MED27: variants seen among roughly 807,000 people sequenced by gnomAD.
The protein encoded by MED27 is mediator of RNA polymerase II transcription subunit 27.
MED27 carries 30 observed loss-of-function variants against 38.2 expected under a neutral mutation model. The ratio of observed to expected loss-of-function variants is 0.79; its 90% CI spans 0.59 to 1.07. MED27 has a LOEUF of 1.07. Among genes scored for constraint, MED27 ranks in the 50% least tolerant of loss-of-function variants. The pLI is 0.00. For missense variants in MED27, 289 were observed against 397.5 expected, an observed-to-expected ratio of 0.73 and a Z score of 2.32; for synonymous variants, 122 against 153.5, an observed-to-expected ratio of 0.79 and a Z score of 1.52.
chr9:131,876,200 T>G (rs571167043), intron 6 of MED27, among the ~76,000 whole-genome samples: 51 of 152,304 alleles, frequency 3.3e-4, no homozygotes, highest in African/African-American at 1.2e-3. Context: ...GAAGCAGTTT[T>G]CAGATTTTGA....
At chr9:131,957,389 G>C (rs1831127139) in intron 3 of MED27, among the ~76,000 whole-genome samples, 1 of 151,984 alleles carries the variant, frequency 6.6e-6, no homozygotes, top group African/African-American at 2.4e-5. Flanking sequence ...TGAGTAGCTG[G>C]GACTACAGGT....
intron 1 of MED27, 96 bp downstream of exon 1, chr9:132,079,546 C>T: frequency 8.7e-7 from 1 of 1,151,796 alleles, no homozygotes; most frequent in Non-Finnish European, 1.3e-6. Context: ...TCAAGGGAAA[C>T]GGAGAACAGC....
intron 3 of MED27, among the ~76,000 whole-genome samples, chr9:131,971,246 C>T (rs1382282581): frequency 6.6e-6 from 1 of 152,184 alleles, no homozygotes; most frequent in Non-Finnish European, 1.5e-5. Context: ...GGAAGAAGGA[C>T]ACCTGACACA....
intron 3 of MED27, among the ~76,000 whole-genome samples, chr9:131,966,221 C>CAAAACCA (rs1554761527): frequency 6.1e-5 from 6 of 97,808 alleles, no homozygotes; most frequent in African/African-American, 1.9e-4. Flanking sequence ...AAAAACAAAA[C>CAAAACCA]AAAACCAAAA....
chr9:132,019,267 G>A (rs1221552879), intron 2 of MED27, among the ~76,000 whole-genome samples: 1 of 152,184 alleles, frequency 6.6e-6, no homozygotes, highest in Non-Finnish European at 1.5e-5. Context: ...TACAGGTGAT[G>A]CTAATGAATT....
intron 3 of MED27, among the ~76,000 whole-genome samples, chr9:131,975,426 G>C (rs1248980399): frequency 2.6e-5 from 4 of 152,222 alleles, no homozygotes; most frequent in African/African-American, 7.2e-5. Flanking sequence ...CAGAAGCAAG[G>C]ACAGTAGGTA....
At chr9:131,921,476 T>C (rs559440196) in intron 4 of MED27, among the ~76,000 whole-genome samples, 2 of 148,978 alleles carry the variant, frequency 1.3e-5, no homozygotes, top group East Asian at 1.9e-4. Flanking sequence ...CACAATGAGA[T>C]ACCATCTCGC....
chr9:131,927,099 A>AT (rs1830497124), intron 4 of MED27, among the ~76,000 whole-genome samples: 2 of 152,264 alleles, frequency 1.3e-5, no homozygotes, highest in South Asian at 2.1e-4. Context: ...CTGACACTAA[A>AT]TATCAACATA....
intron 4 of MED27, among the ~76,000 whole-genome samples, chr9:131,908,445 G>A (rs1383616712): frequency 6.6e-6 from 1 of 152,256 alleles, no homozygotes; most frequent in Non-Finnish European, 1.5e-5. Flanking sequence ...GCGGGGAAAG[G>A]TGGGGAAAAG....
intron 6 of MED27, among the ~76,000 whole-genome samples, chr9:131,874,811 C>T (rs896400971): frequency 1.3e-5 from 2 of 152,228 alleles, no homozygotes; most frequent in African/African-American, 2.4e-5. Flanking sequence ...CTGTCACTGG[C>T]TGCCAGGAGA....
At chr9:131,929,239 C>G (rs944357906) in intron 4 of MED27, among the ~76,000 whole-genome samples, 2 of 152,176 alleles carry the variant, frequency 1.3e-5, no homozygotes, top group African/African-American at 4.8e-5. Flanking sequence ...ATGCCGTGGG[C>G]CTTGGGTGAG....
chr9:131,976,752 C>T (rs781248156), intron 3 of MED27, among the ~76,000 whole-genome samples: 1 of 152,122 alleles, frequency 6.6e-6, no homozygotes, highest in Non-Finnish European at 1.5e-5. Flanking sequence ...ACAATGATTA[C>T]GAAAATAGCT....
intron 2 of MED27, among the ~76,000 whole-genome samples, chr9:132,066,940 T>G (rs942278613): frequency 6.6e-6 from 1 of 152,258 alleles, no homozygotes; most frequent in Non-Finnish European, 1.5e-5. Flanking sequence ...CCAGGCCTCC[T>G]GCCTCTCAGT....
At chr9:131,925,299 T>C (rs950064306) in intron 4 of MED27, among the ~76,000 whole-genome samples, 1 of 152,248 alleles carries the variant, frequency 6.6e-6, no homozygotes, top group Non-Finnish European at 1.5e-5. Flanking sequence ...ATACATTAGA[T>C]GTTTTGATAC....
At chr9:131,918,508 G>GA (rs1431065636) in intron 4 of MED27, among the ~76,000 whole-genome samples, 41 of 152,084 alleles carry the variant, frequency 2.7e-4, no homozygotes, top group African/African-American at 9.4e-4. Context: ...TTAGTTCTAA[G>GA]AAAAAACCAT....
At chr9:131,957,815 A>C (rs1789376059) in intron 3 of MED27, among the ~76,000 whole-genome samples, 1 of 151,918 alleles carries the variant, frequency 6.6e-6, no homozygotes. Flanking sequence ...TTAATGGTTC[A>C]CGTCTGTAAT....
intron 4 of MED27, among the ~76,000 whole-genome samples, chr9:131,919,421 C>T (rs904491279): frequency 2.0e-5 from 3 of 151,954 alleles, no homozygotes; most frequent in African/African-American, 7.3e-5. Context: ...GCATGACATG[C>T]TGCAGGCTGG....
rs551047683 is a variant in MED27, at chr9:131,996,823, A to G, written c.479+17514T>C. Among the ~76,000 whole-genome samples the G allele has an allele frequency of 3.3e-5, 5 of 152,324 alleles. No homozygotes were observed. In the South Asian group the frequency reaches 1.0e-3, roughly 32 times the overall value. ...AAGACCTTTATGAGGATCCACTTCC[A>G]CTTAATGAACAGTAAATATTTTTTC... On this transcript the variant is annotated intron_variant, in intron 3 of 7. Coordinates refer to ENST00000292035, the MANE Select transcript of MED27 (RefSeq NM_004269.4).
intron 2 of MED27, among the ~76,000 whole-genome samples, chr9:132,025,205 A>G (rs1184209851): frequency 2.5e-4 from 37 of 148,440 alleles, no homozygotes; most frequent in Admixed American, 2.5e-3. Flanking sequence ...TTTGAGACAG[A>G]GTTTTGCTCT....
Sources: allele counts gnomAD v4.1 joint callset (sites outside exome capture counted in the v4.1 genomes callset), GRCh38; gene constraint gnomAD v4.1.1; transcripts MANE v1.5; gene names NCBI Gene and HGNC (gene_info 2026-07-23, HGNC 2026-07-21).